The following CDC27 variants were observed in gnomAD, a reference collection of about 807,000 sequenced individuals.
CDC27 encodes cell division cycle protein 27 homolog.
In CDC27, 27 loss-of-function variants were observed where a neutral mutation model predicts 109.7. That is an observed-to-expected ratio of 0.25 (90% CI 0.18 to 0.34). CDC27 has a LOEUF of 0.34. Ranked by LOEUF, CDC27 falls within the 10% of genes least tolerant of loss-of-function variation. CDC27 has a pLI of 1.00. For missense variants in CDC27, 579 were observed against 960.2 expected, an observed-to-expected ratio of 0.60 and a Z score of 5.25; for synonymous variants, 266 against 333.9, an observed-to-expected ratio of 0.80 and a Z score of 2.22.
intron 2 of CDC27, among the ~76,000 whole-genome samples, chr17:47,176,831 G>T (rs540999640): frequency 6.6e-6 from 1 of 152,218 alleles, no homozygotes; most frequent in South Asian, 2.1e-4. Context: ...GATCAATAAA[G>T]GCCTCAAAAT....
chr17:47,178,209 A>G (rs1312145345), intron 2 of CDC27, among the ~76,000 whole-genome samples: 1 of 152,178 alleles, frequency 6.6e-6, no homozygotes, highest in African/African-American at 2.4e-5. Flanking sequence ...CACTCAATGG[A>G]AAATATTAGA....
chr17:47,146,373 T>A (rs775794094), intron 9 of CDC27, among the ~76,000 whole-genome samples: 5 of 152,228 alleles, frequency 3.3e-5, no homozygotes, highest in Non-Finnish European at 7.3e-5. Context: ...TGTTGGGGAC[T>A]GTGATCTTAA....
chr17:47,169,758 A>T, intron 4 of CDC27, 159 bp downstream of exon 4: 1 of 449,402 alleles, frequency 2.2e-6, no homozygotes, highest in Non-Finnish European at 3.7e-6. Context: ...GTTCAAACTT[A>T]GATTAGCATC....
In CDC27 at chr17:47,119,476, A is replaced by T. The variant is rs188219399; in HGVS notation, c.*1459T>A. On this transcript the variant is annotated 3_prime_UTR_variant, in exon 19 of 19. Transcript: ENST00000066544. ...CTTATTTTCACAGCTTGACTAACAAATACAGGTAAGTTTGTCCTCCATCAA... is the reference window on the plus strand; with the variant it reads ...CTTATTTTCACAGCTTGACTAACAATTACAGGTAAGTTTGTCCTCCATCAA... 1 of 152,310 alleles carries T rather than the reference A, an allele frequency of 6.6e-6. No homozygotes were observed. Among genetic ancestry groups the T allele is most frequent in the Non-Finnish European group, 1.5e-5 (1 of 68,004 alleles). The allele number at this position is 152,310 out of a possible 1,614,324, so 9.4% of individuals were successfully genotyped here.
chr17:47,138,611 G>C (rs975655025), intron 13 of CDC27, 128 bp downstream of exon 13: 3 of 609,966 alleles, frequency 4.9e-6, no homozygotes, highest in Non-Finnish European at 8.5e-6. Context: ...TCCCTGACTA[G>C]AGAGAGAGGA....
At chr17:47,189,079 TGGCCCTACGCTGCTGCTTCCC>T in intron 1 of CDC27, 46 bp downstream of exon 1, 1 of 1,551,960 alleles carries the variant, frequency 6.4e-7, no homozygotes, top group Non-Finnish European at 8.9e-7. Context: ...GGCCGCGGAG[TGGCCCTACGCTGCTGCTTCCC>T]GACCGAGGCT....
chr17:47,170,133 T>C, intron 3 of CDC27, 91 bp from the exon 4 acceptor site: 1 of 984,230 alleles, frequency 1.0e-6, no homozygotes, highest in Non-Finnish European at 1.4e-6. Context: ...CATCTAACTA[T>C]GGAGACACAA....
At chr17:47,124,296 T>C (rs1331102402) in intron 16 of CDC27, among the ~76,000 whole-genome samples, 2 of 150,504 alleles carry the variant, frequency 1.3e-5, no homozygotes, top group East Asian at 3.9e-4. Flanking sequence ...TTCATTTTTA[T>C]TTATTGAGGT....
chr17:47,147,816 G>A (rs943940194), intron 9 of CDC27, among the ~76,000 whole-genome samples: 41 of 150,658 alleles, frequency 2.7e-4, no homozygotes, highest in Admixed American at 1.5e-3. Flanking sequence ...CAAGAGAATC[G>A]CTTGAGCCAA....
chr17:47,170,613 A>G (rs2063785478), intron 3 of CDC27, among the ~76,000 whole-genome samples: 1 of 152,200 alleles, frequency 6.6e-6, no homozygotes, highest in Non-Finnish European at 1.5e-5. Flanking sequence ...AATCAATTAC[A>G]TTTAGTCTCT....
Sources: gnomAD v4.1 joint callset for allele counts (sites outside exome capture counted in the v4.1 genomes callset) on GRCh38, gnomAD v4.1.1 for gene constraint, MANE v1.5 for transcripts, NCBI Gene and HGNC (gene_info 2026-07-23, HGNC 2026-07-21) for gene names.